DCLK1: variants seen among roughly 807,000 people sequenced by gnomAD.
DCLK1 encodes the protein doublecortin like kinase 1.
In DCLK1, 16 loss-of-function variants were observed where a neutral mutation model predicts 86.2. The ratio of observed to expected loss-of-function variants is 0.19; its 90% CI spans 0.13 to 0.28. The LOEUF (loss-of-function observed/expected upper bound fraction) is 0.28, where lower values mean the gene tolerates loss of function less well. DCLK1 is among the 10% of genes least tolerant of loss of function. The pLI, the probability that DCLK1 is intolerant of heterozygous loss-of-function variation, is 1.00. For missense variants in DCLK1, 590 were observed against 940.2 expected (o/e 0.63, Z 4.87); for synonymous variants, 369 against 370.5 (o/e 1.00, Z 0.05).
At chr13:35,850,160 C>A (rs1017336779) in intron 6 of DCLK1, 2 of 984,924 alleles carry the variant, frequency 2.0e-6, no homozygotes, top group Non-Finnish European at 2.4e-6. Context: ...CAGTAAGTAG[C>A]TTTTTCTACT....
intron 3 of DCLK1, among the ~76,000 whole-genome samples, chr13:36,032,103 G>GTTTTTCTTTTTCT (rs1331040151): frequency 6.6e-6 from 1 of 151,740 alleles, no homozygotes; most frequent in East Asian, 1.9e-4. Context: ...CTACAAATCA[G>GTTTTTCTTTTTCT]TTTTTCTTTT....
chr13:35,973,384 C>A (rs1879164069), intron 3 of DCLK1, among the ~76,000 whole-genome samples: 4 of 152,284 alleles, frequency 2.6e-5, no homozygotes, highest in Non-Finnish European at 5.9e-5. Context: ...GGACTCAGAG[C>A]AGGGCCCTCT....
At chr13:35,908,001 T>C (rs1231908693) in intron 4 of DCLK1, among the ~76,000 whole-genome samples, 2 of 152,032 alleles carry the variant, frequency 1.3e-5, no homozygotes, top group African/African-American at 4.8e-5. Flanking sequence ...TGTTCTGGGG[T>C]GGCTTTGCGA....
Position 35,896,665 on chromosome 13 carries a change from G to C in DCLK1, c.824-25325C>G, listed in dbSNP as rs534026235. On this transcript the variant is annotated intron_variant, in intron 4 of 16. Transcript: ENST00000360631. Reference sequence around the variant, plus strand: ...TCGTCTTATTGAGGCATCCAGTAAAGCTCCACAGAGAAATCATTCCCTCGT... The same window carrying C: ...TCGTCTTATTGAGGCATCCAGTAAACCTCCACAGAGAAATCATTCCCTCGT... 7.4e-4 allele frequency among the ~76,000 whole-genome samples: 110 copies of C among 149,632 alleles called. 1 individual carries two copies. Among genetic ancestry groups the C allele is most frequent in the Non-Finnish European group, 1.2e-3 (83 of 67,792 alleles).
At chr13:35,967,309 C>G (rs1256179652) in intron 3 of DCLK1, among the ~76,000 whole-genome samples, 6 of 152,112 alleles carry the variant, frequency 3.9e-5, no homozygotes, top group Non-Finnish European at 7.4e-5. Flanking sequence ...GCCCGGCCGC[C>G]ACCCCATCTG....
chr13:35,864,689 G>T (rs1172606035), intron 5 of DCLK1, among the ~76,000 whole-genome samples: 5 of 133,942 alleles, frequency 3.7e-5, no homozygotes, highest in African/African-American at 5.7e-5. Context: ...GTCTCACTCT[G>T]GCATCCAAGC....
intron 15 of DCLK1, among the ~76,000 whole-genome samples, chr13:35,799,923 T>C (rs1337302045): frequency 6.6e-6 from 1 of 152,206 alleles, no homozygotes; most frequent in Non-Finnish European, 1.5e-5. Flanking sequence ...TAAATCATAT[T>C]GTTCTCCACT....
intron 4 of DCLK1, among the ~76,000 whole-genome samples, chr13:35,913,052 C>A (rs1875142991): frequency 2.0e-5 from 3 of 152,168 alleles, no homozygotes; most frequent in Non-Finnish European, 2.9e-5. Context: ...CGTCGCAAGT[C>A]TGACAAGGGG....
At chr13:35,945,988 A>G (rs1425453403) in intron 4 of DCLK1, among the ~76,000 whole-genome samples, 5 of 152,110 alleles carry the variant, frequency 3.3e-5, no homozygotes, top group Non-Finnish European at 7.4e-5. Context: ...GGCAATTTTA[A>G]AAATTCTTAT....
At chr13:35,993,992 G>A (rs764877293) in intron 3 of DCLK1, among the ~76,000 whole-genome samples, 7 of 151,506 alleles carry the variant, frequency 4.6e-5, no homozygotes, top group African/African-American at 1.2e-4. Context: ...TCCTTCCAGC[G>A]TTTCAGACTC....
At chr13:35,918,890 G>GTTTTTTTTTTT (rs532112697) in intron 4 of DCLK1, among the ~76,000 whole-genome samples, 3 of 14,228 alleles carry the variant, frequency 2.1e-4, no homozygotes, top group South Asian at 3.1e-3. Flanking sequence ...CCTTCTGAGT[G>GTTTTTTTTTTT]TGTTTTTTTT....
intron 3 of DCLK1, among the ~76,000 whole-genome samples, chr13:36,109,217 C>T (rs1004490703): frequency 5.9e-5 from 9 of 152,146 alleles, no homozygotes; most frequent in African/African-American, 2.2e-4. Flanking sequence ...GGGGAAATGC[C>T]ACAGCAGCAA....
At chr13:36,076,942 T>C (rs1165208735) in intron 3 of DCLK1, among the ~76,000 whole-genome samples, 2 of 152,234 alleles carry the variant, frequency 1.3e-5, no homozygotes, top group African/African-American at 4.8e-5. Flanking sequence ...GTAACCTTTC[T>C]GACCTTACCT....
At position 35,844,121 on chromosome 13, in the gene DCLK1, C is replaced by G. The variant is rs1593653021; in HGVS notation, c.1036-4945G>C. On this transcript the variant is annotated intron_variant, in intron 6 of 16. Transcript: ENST00000360631. ...ACAAAGGAACTGCTTTTTCCAAATT[C>G]CTTTGTCTGCAATCTTCATAGTAGT... 2.6e-5 allele frequency among the ~76,000 whole-genome samples: 4 copies of G among 152,140 alleles called. No homozygotes were observed. The East Asian group carries it at 7.7e-4, about 29-fold the overall frequency.
intron 6 of DCLK1, among the ~76,000 whole-genome samples, chr13:35,843,736 C>T (rs754788222): frequency 6.6e-6 from 1 of 152,196 alleles, no homozygotes; most frequent in Non-Finnish European, 1.5e-5. Flanking sequence ...TTTATCTTGG[C>T]ATACAATTAT....
In DCLK1 at chr13:36,125,780, G is replaced by A. The variant is rs1234602109; in HGVS notation, c.358C>T (p.Leu120=). Residue 120 remains leucine, a synonymous_variant, in exon 2 of 17, where the codon CTG becomes TTG. Transcript: ENST00000360631. Reference sequence around the variant, plus strand: ...CGCTCACCTTCCACCAGTTGGTCCAGGCTGGAAATCTTCTTGAGCCCATCA... The same window carrying A: ...CGCTCACCTTCCACCAGTTGGTCCAAGCTGGAAATCTTCTTGAGCCCATCA... ...TIDGLKKISS[L]DQLVEGESYV... 6.2e-7 allele frequency: 1 copy of A among 1,613,674 alleles called. No homozygotes were observed. Among genetic ancestry groups the A allele is most frequent in the Non-Finnish European group, 8.5e-7 (1 of 1,179,742 alleles).
At chr13:36,030,717 A>C (rs1882236408) in intron 3 of DCLK1, among the ~76,000 whole-genome samples, 1 of 152,144 alleles carries the variant, frequency 6.6e-6, no homozygotes, top group South Asian at 2.1e-4. Context: ...TTATACTCAA[A>C]GCAAACTTTT....
At chr13:35,958,603 AGG>A in intron 3 of DCLK1, among the ~76,000 whole-genome samples, 1 of 152,320 alleles carries the variant, frequency 6.6e-6, no homozygotes, top group South Asian at 2.1e-4. Flanking sequence ...TATCTCCATA[AGG>A]GGAGCCCTTA....
At chr13:35,917,740 G>A (rs920186321) in intron 4 of DCLK1, among the ~76,000 whole-genome samples, 4 of 151,610 alleles carry the variant, frequency 2.6e-5, no homozygotes, top group Admixed American at 6.6e-5. Context: ...CCATGGTAAC[G>A]TGGCATTTTC....
Sources: gnomAD v4.1 joint callset for allele counts (sites outside exome capture counted in the v4.1 genomes callset) on GRCh38, gnomAD v4.1.1 for gene constraint, MANE v1.5 for transcripts, NCBI Gene and HGNC (gene_info 2026-07-23, HGNC 2026-07-21) for gene names.